Variants in TAF1 observed in about 807,000 individuals in gnomAD.
TAF1 encodes transcription initiation factor TFIID subunit 1.
In TAF1, 2 loss-of-function variants were observed where a neutral mutation model predicts 138.5. The observed-to-expected ratio is 0.01, with a 90% CI of 0.01 to 0.05. The LOEUF (loss-of-function observed/expected upper bound fraction) is 0.05, where lower values mean the gene tolerates loss of function less well. TAF1 is among the 10% of genes least tolerant of loss of function. TAF1 has a pLI of 1.00. For missense variants in TAF1, 709 were observed against 1,478.0 expected, an observed-to-expected ratio of 0.48 and a Z score of 8.53; for synonymous variants, 437 against 503.2, an observed-to-expected ratio of 0.87 and a Z score of 1.76.
intron 13 of TAF1, among the ~76,000 whole-genome samples, chrX:71,497,342 A>G (rs1444871790): frequency 1.8e-5 from 2 of 111,467 alleles, no homozygotes; most frequent in Admixed American, 9.6e-5. Context: ...ACATGTGAGT[A>G]TTTGAAGCAC....
chrX:71,466,512 G>T (rs1025129929), downstream of TAF1: 2 of 112,198 alleles, frequency 1.8e-5, no homozygotes, highest in Non-Finnish European at 3.8e-5. Flanking sequence ...TCAGTAGCTG[G>T]GATTACAGGC....
At chrX:71,519,330 A>G (rs1317032889) in intron 13 of TAF1, among the ~76,000 whole-genome samples, 143 of 102,408 alleles carry the variant, frequency 1.4e-3, no homozygotes, top group Non-Finnish European at 2.6e-3. Context: ...CTCAAAAAAA[A>G]AAAAAAAGTA....
At position 71,388,348 on chromosome X, in the gene TAF1, C is replaced by T. The variant is rs778936721; in HGVS notation, c.2539C>T (p.Leu847=). The change falls in exon 16 of 38, where the codon CTA becomes TTA. Residue 847 remains leucine, a synonymous_variant. Transcript: ENST00000423759. ...SHSESSIRKR[L]KLCADFKRTG... is the part of the protein sequence containing the mutation. Reference sequence around the variant, plus strand: ...TTCAGAAAGCAGCATCCGGAAGAGGCTAAAGCTCTGCGCTGACTTCAAACG... The same window carrying T: ...TTCAGAAAGCAGCATCCGGAAGAGGTTAAAGCTCTGCGCTGACTTCAAACG... 36 of 1,209,582 alleles carry T rather than the reference C, an allele frequency of 3.0e-5. No homozygotes were observed. The highest frequency in any genetic ancestry group is 3.4e-6 in the Non-Finnish European group (3 of 895,205).
At chrX:71,517,549 C>A (rs2039846621) in intron 13 of TAF1, among the ~76,000 whole-genome samples, 1 of 111,669 alleles carries the variant, frequency 9.0e-6, no homozygotes, top group Non-Finnish European at 1.9e-5. Flanking sequence ...GTTGAGAGCA[C>A]CCACCACCCC....
intron 13 of TAF1, among the ~76,000 whole-genome samples, chrX:71,473,688 G>A (rs1284938714): frequency 9.2e-6 from 1 of 108,846 alleles, no homozygotes; most frequent in African/African-American, 3.3e-5. Context: ...TGATACCCCC[G>A]ACTCTTAAAA....
At chrX:71,414,118 CAG>C (rs1327625558) in intron 28 of TAF1, 1 of 88,703 alleles carries the variant, frequency 1.1e-5, no homozygotes, top group African/African-American at 4.2e-5. Context: ...ACAAGAGAGA[CAG>C]AAAGAATATT....
chrX:71,442,355 A>G (rs968102654), intron 32 of TAF1, among the ~76,000 whole-genome samples: 15 of 112,082 alleles, frequency 1.3e-4, no homozygotes, highest in African/African-American at 4.9e-4. Flanking sequence ...AACGATTGCC[A>G]TTCTAACTGG....
chrX:71,398,295 G>A (rs1230825786), intron 23 of TAF1, among the ~76,000 whole-genome samples: 2 of 107,791 alleles, frequency 1.9e-5, no homozygotes, highest in Non-Finnish European at 3.8e-5. Context: ...CCAAGATCTC[G>A]CCACTGCACT....
At chrX:71,420,982 C>T (rs1207194040) in intron 28 of TAF1, among the ~76,000 whole-genome samples, 4 of 112,841 alleles carry the variant, frequency 3.5e-5, no homozygotes, top group Non-Finnish European at 7.5e-5. Flanking sequence ...CCCGCTGCCG[C>T]CTGCTCACTC....
rs1280058767 is a variant in TAF1 at position 71,375,291 on chromosome X, G to A, written c.472+5G>A. On this transcript the variant is annotated splice_donor_5th_base_variant and intron_variant, in intron 4 of 37. Transcript: ENST00000423759. ...ACCAGGATTCTATTACTGGTGGTAA[G>A]TAGAGATTGTCTACTTTTGTCTGAG... is the stretch of plus-strand genomic sequence containing the variant. 8.3e-7 allele frequency: 1 copy of A among 1,204,670 alleles called. No individual in the cohort carries two copies. Among genetic ancestry groups the A allele is most frequent in the Non-Finnish European group, 1.1e-6 (1 of 893,533 alleles).
intron 13 of TAF1, among the ~76,000 whole-genome samples, chrX:71,487,213 T>C (rs996619311): frequency 4.5e-5 from 5 of 109,984 alleles, no homozygotes; most frequent in Non-Finnish European, 3.8e-5. Flanking sequence ...TCCGTCTTTT[T>C]TTCTCTATGC....
intron 28 of TAF1, among the ~76,000 whole-genome samples, chrX:71,410,217 G>T (rs966519716): frequency 1.8e-5 from 2 of 110,453 alleles, no homozygotes; most frequent in Non-Finnish European, 3.8e-5. Context: ...TTCACCATAA[G>T]AAATCTTTAA....
At chrX:71,456,508 T>TA (rs1298414105) in intron 34 of TAF1, among the ~76,000 whole-genome samples, 2 of 110,995 alleles carry the variant, frequency 1.8e-5, no homozygotes, top group South Asian at 3.8e-4. Flanking sequence ...TTACTTTACT[T>TA]ACATTACTAC....
intron 28 of TAF1, among the ~76,000 whole-genome samples, chrX:71,420,802 C>T (rs375423348): frequency 1.3e-3 from 145 of 112,692 alleles, no homozygotes; most frequent in African/African-American, 4.3e-3. Flanking sequence ...GCTTGGGCTC[C>T]GGCTCGGGGT....
At chrX:71,418,015 A>T (rs1208949814) in intron 28 of TAF1, among the ~76,000 whole-genome samples, 2 of 112,228 alleles carry the variant, frequency 1.8e-5, no homozygotes, top group Non-Finnish European at 3.8e-5. Context: ...TTCATCCATA[A>T]ATACTTAAAG....
At chrX:71,468,722 C>G (rs914609099), downstream of TAF1, among the ~76,000 whole-genome samples, 1 of 106,182 alleles carries the variant, frequency 9.4e-6, no homozygotes, top group Non-Finnish European at 1.9e-5. Flanking sequence ...CCTGGGTCTG[C>G]TGGCTCACAC....
At chrX:71,371,723 A>G (rs1017689343) in intron 3 of TAF1, among the ~76,000 whole-genome samples, 1 of 111,644 alleles carries the variant, frequency 9.0e-6, no homozygotes, top group African/African-American at 3.3e-5. Context: ...CTAGGCTTAG[A>G]GTGTCATAGA....
intron 32 of TAF1, among the ~76,000 whole-genome samples, chrX:71,446,929 C>T (rs1418659017): frequency 4.5e-5 from 5 of 111,583 alleles, no homozygotes; most frequent in Non-Finnish European, 7.5e-5. Context: ...GGTAAGGAGC[C>T]TAGCTATATT....
chrX:71,527,939 G>A, intron 13 of TAF1: 1 of 141,387 alleles, frequency 7.1e-6, no homozygotes, highest in Admixed American at 6.9e-5. Flanking sequence ...AAAACTGTAT[G>A]AATTGTAGTA....
Sources: gnomAD v4.1 joint callset for allele counts (sites outside exome capture counted in the v4.1 genomes callset) on GRCh38, gnomAD v4.1.1 for gene constraint, MANE v1.5 for transcripts, NCBI Gene and HGNC (gene_info 2026-07-23, HGNC 2026-07-21) for gene names.